The following ARB2A variants were observed in gnomAD, a reference collection of about 807,000 sequenced individuals.
ARB2A encodes the protein ARB2 cotranscriptional regulator A, also known as cotranscriptional regulator ARB2A.
the ARB2A span, among the ~76,000 whole-genome samples, chr5:94,088,838 G>A: frequency 1.3e-5 from 2 of 152,098 alleles, no homozygotes; most frequent in East Asian, 3.9e-4. Flanking sequence ...GGGCTAAGGG[G>A]CAGTTATAAG....
At chr5:93,769,016 T>C in the ARB2A span, among the ~76,000 whole-genome samples, 1 of 152,200 alleles carries the variant, frequency 6.6e-6, no homozygotes, top group East Asian at 1.9e-4. Context: ...AGTGATATTT[T>C]AAGTTAAAAT....
chr5:93,871,062 T>A, the ARB2A span, among the ~76,000 whole-genome samples: 1 of 152,240 alleles, frequency 6.6e-6, no homozygotes, highest in Non-Finnish European at 1.5e-5. Context: ...AAAGTAAGCC[T>A]GACAATCCCA....
chr5:93,871,271 A>T, the ARB2A span, among the ~76,000 whole-genome samples: 3 of 152,224 alleles, frequency 2.0e-5, no homozygotes, highest in Non-Finnish European at 4.4e-5. Flanking sequence ...GTCAACATTT[A>T]CAAGATTTAT....
chr5:93,748,999 A>G, the ARB2A span, among the ~76,000 whole-genome samples: 1 of 151,572 alleles, frequency 6.6e-6, no homozygotes, highest in South Asian at 2.1e-4. Context: ...TGCACTTTCA[A>G]TGTTGTGAAA....
chr5:93,691,122 C>T, the ARB2A span, among the ~76,000 whole-genome samples: 2 of 152,040 alleles, frequency 1.3e-5, no homozygotes, highest in Non-Finnish European at 2.9e-5. Flanking sequence ...CTCTCCTCCT[C>T]CAAATGATCA....
the ARB2A span, among the ~76,000 whole-genome samples, chr5:94,045,640 A>T: frequency 1.3e-5 from 2 of 152,230 alleles, no homozygotes; most frequent in Non-Finnish European, 2.9e-5. Flanking sequence ...GCATAGGTCC[A>T]GAATTTATAC....
chr5:93,847,844 G>A, the ARB2A span, among the ~76,000 whole-genome samples: 1 of 152,310 alleles, frequency 6.6e-6, no homozygotes, highest in South Asian at 2.1e-4. Flanking sequence ...TGGGAAGTCT[G>A]AATTAAAAAT....
At chr5:93,951,763 C>T in the ARB2A span, among the ~76,000 whole-genome samples, 12 of 152,218 alleles carry the variant, frequency 7.9e-5, no homozygotes, top group South Asian at 2.1e-3. Context: ...AAGTGGCTCA[C>T]GCCTGATGTA....
At chr5:93,913,745 A>G in the ARB2A span, among the ~76,000 whole-genome samples, 1 of 152,008 alleles carries the variant, frequency 6.6e-6, no homozygotes, top group African/African-American at 2.4e-5. Context: ...ATTCACTTTT[A>G]AGCCTATGTA....
At chr5:93,896,926 G>A in the ARB2A span, among the ~76,000 whole-genome samples, 3 of 151,744 alleles carry the variant, frequency 2.0e-5, no homozygotes, top group East Asian at 1.9e-4. Context: ...TCCATATTCC[G>A]CACAATATTA....
At chr5:93,670,855 A>G in the ARB2A span, among the ~76,000 whole-genome samples, 2 of 152,216 alleles carry the variant, frequency 1.3e-5, no homozygotes, top group Non-Finnish European at 2.9e-5. Flanking sequence ...CAATGCTGAA[A>G]TGTTCCAAAT....
chr5:93,961,221 T>C, the ARB2A span, among the ~76,000 whole-genome samples: 4 of 152,144 alleles, frequency 2.6e-5, no homozygotes, highest in South Asian at 2.1e-4. Flanking sequence ...GGAATGGCTA[T>C]GGAGATGGAT....
chr5:93,926,533 C>T, the ARB2A span, among the ~76,000 whole-genome samples: 3 of 151,918 alleles, frequency 2.0e-5, no homozygotes, highest in Non-Finnish European at 4.4e-5. Flanking sequence ...AGAATATGTC[C>T]TTTCACCCTC....
chr5:93,955,504 C>G, the ARB2A span, among the ~76,000 whole-genome samples: 9 of 152,092 alleles, frequency 5.9e-5, no homozygotes, highest in African/African-American at 2.2e-4. Context: ...TCTGAATAAT[C>G]CATCTATGAG....
chr5:94,027,434 T>C, the ARB2A span, among the ~76,000 whole-genome samples: 1 of 152,180 alleles, frequency 6.6e-6, no homozygotes, highest in Non-Finnish European at 1.5e-5. Flanking sequence ...GATAAGTTGA[T>C]CATCAATGGA....
At chr5:93,687,784 A>AT in the ARB2A span, among the ~76,000 whole-genome samples, 1 of 151,814 alleles carries the variant, frequency 6.6e-6, no homozygotes, top group African/African-American at 2.4e-5. Context: ...CATCACTTGA[A>AT]TTTTTTTTAG....
the ARB2A span, among the ~76,000 whole-genome samples, chr5:94,072,464 T>G: frequency 6.6e-6 from 1 of 152,292 alleles, no homozygotes; most frequent in South Asian, 2.1e-4. Flanking sequence ...TTTGATGTAC[T>G]ATTAGCCATA....
chr5:93,674,033 A>T, the ARB2A span, among the ~76,000 whole-genome samples: 1 of 152,244 alleles, frequency 6.6e-6, no homozygotes, highest in Admixed American at 6.5e-5. Flanking sequence ...GGGATCATTT[A>T]TCTTAAGGAG....
At chr5:93,687,806 TA>T in the ARB2A span, among the ~76,000 whole-genome samples, 71 of 152,088 alleles carry the variant, frequency 4.7e-4, 1 homozygote, top group Admixed American at 1.8e-3. Flanking sequence ...ATGGCCATTT[TA>T]AAATAAAAAA....
Sources: allele counts gnomAD v4.1 joint callset (sites outside exome capture counted in the v4.1 genomes callset), GRCh38; gene constraint gnomAD v4.1.1; transcripts MANE v1.5; gene names NCBI Gene and HGNC (gene_info 2026-07-23, HGNC 2026-07-21).